The following TASOR variants were observed in gnomAD, a reference collection of about 807,000 sequenced individuals.
TASOR encodes transcription activation suppressor.
A neutral mutation model predicts 178.6 loss-of-function variants in TASOR; 53 were observed. The observed-to-expected ratio is 0.30, with a 90% CI of 0.24 to 0.37. The LOEUF (loss-of-function observed/expected upper bound fraction) is 0.37. Ranked by LOEUF, TASOR falls within the 10% of genes least tolerant of loss-of-function variation. The probability of loss-of-function intolerance (pLI) is 1.00; values close to 1 mark genes in which losing one functional copy is unlikely to be tolerated. For missense variants in TASOR, 1,815 were observed against 1,971.4 expected (o/e 0.92, Z 1.50); for synonymous variants, 713 against 696.2 (o/e 1.02, Z -0.38).
At chr3:56,673,510 G>T in intron 2 of TASOR, 70 bp downstream of exon 2, 1 of 1,137,978 alleles carries the variant, frequency 8.8e-7, no homozygotes, top group Non-Finnish European at 1.2e-6. Context: ...TATTTCTAGA[G>T]AACATTTTTT....
chr3:56,678,944 AGAG>A (rs2031558898), intron 1 of TASOR, among the ~76,000 whole-genome samples: 2 of 151,406 alleles, frequency 1.3e-5, no homozygotes, highest in Non-Finnish European at 2.9e-5. Context: ...CCTAGGATGC[AGAG>A]GCTGCAGTCA....
Position 56,624,906 on chromosome 3 carries a change from G to A in TASOR, c.4240C>T (p.Arg1414Ter). The A allele has an allele frequency of 6.2e-7, 1 of 1,614,158 alleles. No homozygotes were observed. The highest frequency in any genetic ancestry group is 8.5e-7 in the Non-Finnish European group (1 of 1,180,006). ...AGGCAATCCAATTCTGGAGCATTTC[G>A]AGTTTGTGAATCACAATTGTGGTAT... ...LSYHNCDSQT[R>*]NAPELDCLIR... The change falls in exon 22 of 24, where the codon CGA becomes TGA. Residue 1414 changes from arginine to a stop codon, truncating the protein, a stop_gained. Transcript: ENST00000683822. LOFTEE classifies it high-confidence loss of function.
chr3:56,626,080 G>A (rs780307307), intron 21 of TASOR, among the ~76,000 whole-genome samples: 5 of 152,126 alleles, frequency 3.3e-5, no homozygotes, highest in Non-Finnish European at 5.9e-5. Context: ...AATTTTTGTG[G>A]TATAAAGTTT....
intron 7 of TASOR, among the ~76,000 whole-genome samples, chr3:56,666,032 C>T (rs950722156): frequency 6.6e-5 from 10 of 152,004 alleles, no homozygotes; most frequent in African/African-American, 2.4e-4. Context: ...AAGAGATTAG[C>T]GAGATGAGGT....
At chr3:56,661,718 T>C (rs1384446796) in intron 9 of TASOR, among the ~76,000 whole-genome samples, 1 of 152,184 alleles carries the variant, frequency 6.6e-6, no homozygotes, top group Admixed American at 6.5e-5. Context: ...ATCAAAGCTC[T>C]TCCCAACAAA....
At chr3:56,658,058 CT>C (rs149128634) in intron 11 of TASOR, among the ~76,000 whole-genome samples, 15,638 of 152,248 alleles carry the variant, frequency 0.1, 1,131 homozygotes, top group Non-Finnish European at 0.16. Context: ...GTGTGCATTT[CT>C]TGGACAAAAT....
chr3:56,642,247 C>T (rs1388469896), intron 14 of TASOR, among the ~76,000 whole-genome samples: 2 of 152,132 alleles, frequency 1.3e-5, no homozygotes, highest in African/African-American at 4.8e-5. Context: ...GACTAGATTA[C>T]TTAAATTCAT....
At chr3:56,641,250 C>A (rs977324967) in intron 15 of TASOR, 99 bp downstream of exon 15, 5 of 1,270,356 alleles carry the variant, frequency 3.9e-6, no homozygotes, top group Admixed American at 2.4e-5. Flanking sequence ...CATTTTATTT[C>A]TTTTTCAAAG....
chr3:56,670,147 T>C lies in TASOR; in HGVS notation c.571-2A>G. 1 of 1,506,134 alleles carries C rather than the reference T, an allele frequency of 6.6e-7. No individual in the cohort carries two copies. The highest frequency in any genetic ancestry group is 8.9e-7 in the Non-Finnish European group (1 of 1,124,292). 93.3% of individuals were successfully genotyped at this position (1,506,134 alleles called of 1,614,324 possible). On this transcript the variant is annotated splice_acceptor_variant, in intron 3 of 23. Coordinates refer to ENST00000683822, the MANE Select transcript of TASOR (RefSeq NM_001365635.2). LOFTEE classifies it high-confidence loss of function. ...TCCTTTTTCACATATGGTTTGAACC[T>C]AAATTTAAAAAAAAATACTTCATCT...
At chr3:56,667,104 C>T (rs569617632) in intron 6 of TASOR, among the ~76,000 whole-genome samples, 1 of 152,270 alleles carries the variant, frequency 6.6e-6, no homozygotes, top group South Asian at 2.1e-4. Flanking sequence ...GCAAGTCCTT[C>T]TAGAAAAGCC....
At chr3:56,654,815 G>A (rs1202362034) in intron 11 of TASOR, among the ~76,000 whole-genome samples, 1 of 152,166 alleles carries the variant, frequency 6.6e-6, no homozygotes, top group Non-Finnish European at 1.5e-5. Context: ...TCTTGAGCCT[G>A]CCAGCCTTAG....
chr3:56,646,471 G>C (rs778490383), intron 14 of TASOR, 51 bp downstream of exon 14: 3 of 1,443,354 alleles, frequency 2.1e-6, no homozygotes, highest in Non-Finnish European at 2.8e-6. Flanking sequence ...CTACAAGAAA[G>C]AACAGAACTA....
chr3:56,682,759 G>A lies in TASOR; in HGVS notation c.248C>T (p.Ala83Val), dbSNP rs906352796. The change falls in exon 1 of 24, where the codon GCC (alanine) becomes GTC (valine). Residue 83 changes from alanine (A) to valine (V), a missense_variant. By Grantham distance (64) the Ala-to-Val change is moderately conservative (BLOSUM62 0). Transcript: ENST00000683822. ...CTCTTCGGGGCCTCTGGGCAGGGCG[G>A]CCGCGCCCGCCTCAGAGGAGTCCTG... ...QPQDSSEAGA[A>V]ALPRGPEEPE... The A allele has an allele frequency of 6.5e-7, 1 of 1,539,370 alleles. No homozygotes were observed. The highest frequency in any genetic ancestry group is 2.5e-5 in the East Asian group (1 of 40,594).
chr3:56,661,519 T>C (rs1335711071), intron 9 of TASOR, among the ~76,000 whole-genome samples: 8 of 152,168 alleles, frequency 5.3e-5, no homozygotes, highest in Admixed American at 5.2e-4. Flanking sequence ...CCAGGCAATA[T>C]TTCCAACCTT....
In TASOR at chr3:56,620,854, A is replaced by G. The variant is rs562795900; in HGVS notation, c.*2183T>C. The G allele has an allele frequency of 6.6e-6, 1 of 152,610 alleles. No individual in the cohort carries two copies. Among genetic ancestry groups the G allele is most frequent in the East Asian group, 1.9e-4 (1 of 5,190 alleles). 9.5% of individuals were successfully genotyped at this position (152,610 alleles called of 1,614,324 possible). A position where few individuals can be genotyped will look rare whatever the true frequency, so the allele number is the denominator to read the frequency against. On this transcript the variant is annotated 3_prime_UTR_variant, in exon 24 of 24. Coordinates refer to ENST00000683822, the MANE Select transcript of TASOR (RefSeq NM_001365635.2). ...CTAAGGTAAGGTTAGGACAGTCAAG[A>G]TAAAATACTGGATGTTGGCCAGGAG...
chr3:56,649,133 T>C, intron 11 of TASOR, 76 bp from the exon 12 acceptor site: 1 of 1,079,502 alleles, frequency 9.3e-7, no homozygotes, highest in Non-Finnish European at 1.3e-6. Context: ...CAGCATTTTC[T>C]ACTAATTGTA....
intron 2 of TASOR, 87 bp from the exon 3 acceptor site, chr3:56,671,779 C>T: frequency 1.0e-5 from 10 of 977,578 alleles, no homozygotes; most frequent in African/African-American, 1.6e-5. Context: ...CAAGAAATCT[C>T]ACACCTACCA....
intron 17 of TASOR, 82 bp from the exon 18 acceptor site, chr3:56,634,048 A>T (rs2076969403): frequency 9.0e-7 from 1 of 1,114,626 alleles, no homozygotes; most frequent in Admixed American, 2.9e-5. Context: ...TGGGGGAAAA[A>T]AGGGTTAACA....
intron 18 of TASOR, among the ~76,000 whole-genome samples, chr3:56,629,450 C>G (rs1409828135): frequency 6.6e-6 from 1 of 152,180 alleles, no homozygotes; most frequent in Admixed American, 6.5e-5. Context: ...TAAGAACTTT[C>G]ACAACCATAG....
Sources: gnomAD v4.1 joint callset for allele counts (sites outside exome capture counted in the v4.1 genomes callset) on GRCh38, gnomAD v4.1.1 for gene constraint, MANE v1.5 for transcripts, NCBI Gene and HGNC (gene_info 2026-07-23, HGNC 2026-07-21) for gene names.